Variants in NEBL observed in about 807,000 individuals in gnomAD.
The protein encoded by NEBL is LIM and SH3 protein 2.
A neutral mutation model predicts 140.2 loss-of-function variants in NEBL; 122 were observed. The observed-to-expected ratio is 0.87, with a 90% CI of 0.75 to 1.01. The LOEUF is 1.01. Among genes scored for constraint, NEBL ranks in the 50% least tolerant of loss-of-function variants. The probability of loss-of-function intolerance (pLI) is 0.00; values close to 1 mark genes in which losing one functional copy is unlikely to be tolerated. For missense variants in NEBL, 1,365 were observed against 1,231.3 expected (o/e 1.11, Z -1.62); for synonymous variants, 436 against 398.9 (o/e 1.09, Z -1.11).
chr10:20,854,070 A>C (rs1437191104), intron 9 of NEBL, among the ~76,000 whole-genome samples: 1 of 152,198 alleles, frequency 6.6e-6, no homozygotes, highest in African/African-American at 2.4e-5. Flanking sequence ...TAATTATTTC[A>C]TGATTTCTAT....
At chr10:21,070,303 T>C (rs967525780) in intron 2 of NEBL, among the ~76,000 whole-genome samples, 2 of 152,164 alleles carry the variant, frequency 1.3e-5, no homozygotes, top group African/African-American at 4.8e-5. Context: ...TGGGCTTCTT[T>C]AGCTTCTGAT....
intron 16 of NEBL, among the ~76,000 whole-genome samples, chr10:20,830,037 G>A (rs1360624054): frequency 6.6e-6 from 1 of 152,086 alleles, no homozygotes; most frequent in Non-Finnish European, 1.5e-5. Context: ...AGCTGATATG[G>A]CCAAGCCAAT....
At chr10:21,152,110 C>T (rs74516804) in intron 2 of NEBL, among the ~76,000 whole-genome samples, 1 of 152,076 alleles carries the variant, frequency 6.6e-6, no homozygotes, top group African/African-American at 2.4e-5. Context: ...TTCCGCTATC[C>T]GGAAATGGGA....
chr10:20,973,513 A>G (rs1352444769), intron 3 of NEBL, among the ~76,000 whole-genome samples: 1 of 152,136 alleles, frequency 6.6e-6, no homozygotes, highest in Admixed American at 6.5e-5. Flanking sequence ...GTCTCCCAAT[A>G]TGCTAGGATT....
intron 4 of NEBL, 65 bp downstream of exon 4, chr10:20,888,032 A>G: frequency 1.8e-6 from 2 of 1,129,750 alleles, no homozygotes; most frequent in Non-Finnish European, 2.7e-6. Context: ...TTAAAACGCT[A>G]AGTAGCTTTT....
chr10:21,138,050 T>C (rs745634882), intron 2 of NEBL, among the ~76,000 whole-genome samples: 2 of 151,728 alleles, frequency 1.3e-5, no homozygotes, highest in African/African-American at 4.8e-5. Context: ...TTTCCAATGG[T>C]CAGTGGTCAA....
intron 3 of NEBL, among the ~76,000 whole-genome samples, chr10:21,211,715 T>C (rs887144647): frequency 6.6e-6 from 1 of 152,168 alleles, no homozygotes; most frequent in African/African-American, 2.4e-5. Flanking sequence ...GGTAAAATTT[T>C]GTTGTGACAA....
intron 3 of NEBL, among the ~76,000 whole-genome samples, chr10:20,994,458 T>C (rs1215626900): frequency 6.6e-6 from 1 of 152,210 alleles, no homozygotes; most frequent in Admixed American, 6.5e-5. Flanking sequence ...ATGAATAAGA[T>C]TCAAATGTAA....
intron 2 of NEBL, among the ~76,000 whole-genome samples, chr10:21,167,934 A>G (rs1840856687): frequency 6.6e-6 from 1 of 152,198 alleles, no homozygotes. Flanking sequence ...TTATGAAAAC[A>G]TGGCACGCAC....
chr10:21,121,496 T>C (rs754451737), intron 2 of NEBL, among the ~76,000 whole-genome samples: 2 of 152,222 alleles, frequency 1.3e-5, no homozygotes, highest in Non-Finnish European at 2.9e-5. Flanking sequence ...ACTTTCTGCC[T>C]TCCAAGTTGT....
chr10:20,855,551 T>A (rs1404953873), intron 9 of NEBL, among the ~76,000 whole-genome samples: 1 of 151,696 alleles, frequency 6.6e-6, no homozygotes, highest in Non-Finnish European at 1.5e-5. Flanking sequence ...GAAAACTTAA[T>A]TGAATTAAGA....
intron 3 of NEBL, among the ~76,000 whole-genome samples, chr10:21,202,970 G>A (rs1345183980): frequency 6.6e-6 from 1 of 152,126 alleles, no homozygotes. Flanking sequence ...GACAGACTAG[G>A]AACGGCATGT....
chr10:20,870,135 T>C (rs1026495358), intron 5 of NEBL, among the ~76,000 whole-genome samples: 4 of 151,970 alleles, frequency 2.6e-5, no homozygotes, highest in African/African-American at 9.7e-5. Flanking sequence ...GAGACCAGCC[T>C]GGCCAACATG....
At chr10:20,881,440 C>A (rs1281867537) in intron 4 of NEBL, among the ~76,000 whole-genome samples, 1 of 152,102 alleles carries the variant, frequency 6.6e-6, no homozygotes. Context: ...TGGACCAGTG[C>A]CATCCATTAC....
In NEBL at chr10:20,823,305, A is replaced by G. The variant is rs1839531139; in HGVS notation, c.1870-5T>C. ...AATCTCTTCTTTGTATTTCACCTGC[A>G]TAATTTATAAGAATATAACGTTAAC... On this transcript the variant is annotated splice_polypyrimidine_tract_variant and splice_region_variant and intron_variant, in intron 18 of 27. Transcript: ENST00000377122. 1 of 1,587,408 alleles carries G rather than the reference A, an allele frequency of 6.3e-7. No homozygotes were observed. The highest frequency in any genetic ancestry group is 1.7e-5 in the Admixed American group (1 of 59,802).
intron 1 of NEBL, among the ~76,000 whole-genome samples, chr10:21,264,616 C>G (rs373647327): frequency 7.0e-6 from 1 of 141,982 alleles, no homozygotes; most frequent in Non-Finnish European, 1.5e-5. Context: ...TGTCCAGGCA[C>G]GTTGTTAAGT....
intron 9 of NEBL, 55 bp from the exon 10 acceptor site, chr10:20,852,704 T>C: frequency 7.3e-7 from 1 of 1,372,334 alleles, no homozygotes; most frequent in Non-Finnish European, 1.0e-6. Flanking sequence ...ATTAGAGCAA[T>C]AAATACTTAG....
At chr10:20,799,601 T>C (rs189328481) in intron 26 of NEBL, among the ~76,000 whole-genome samples, 107 of 152,322 alleles carry the variant, frequency 7.0e-4, no homozygotes, top group African/African-American at 2.4e-3. Context: ...CACTCAAATA[T>C]AGTTGGGAAG....
At chr10:21,007,090 G>A (rs1004193372) in intron 3 of NEBL, among the ~76,000 whole-genome samples, 3 of 152,026 alleles carry the variant, frequency 2.0e-5, no homozygotes, top group African/African-American at 7.3e-5. Flanking sequence ...AGAATGAGAG[G>A]AGAAAGCCGA....
Sources: allele counts gnomAD v4.1 joint callset (sites outside exome capture counted in the v4.1 genomes callset), GRCh38; gene constraint gnomAD v4.1.1; transcripts MANE v1.5; gene names NCBI Gene and HGNC (gene_info 2026-07-23, HGNC 2026-07-21).